MAGI2: variants seen among roughly 807,000 people sequenced by gnomAD.
MAGI2 encodes membrane-associated guanylate kinase, WW and PDZ domain-containing protein 2.
A neutral mutation model predicts 133.3 loss-of-function variants in MAGI2; 35 were observed. The ratio of observed to expected loss-of-function variants is 0.26; its 90% confidence interval spans 0.20 to 0.35. MAGI2 has a LOEUF of 0.35. Among genes scored for constraint, MAGI2 ranks in the 10% least tolerant of loss-of-function variants. MAGI2 has a pLI of 1.00. For missense variants in MAGI2, 1,636 were observed against 1,863.4 expected, an observed-to-expected ratio of 0.88 and a Z score of 2.25; for synonymous variants, 729 against 710.6, an observed-to-expected ratio of 1.03 and a Z score of -0.41.
chr7:79,312,371 C>T (rs1838355217), intron 1 of MAGI2, among the ~76,000 whole-genome samples: 1 of 152,168 alleles, frequency 6.6e-6, no homozygotes, highest in Admixed American at 6.5e-5. Flanking sequence ...TTCCAGAACT[C>T]CCCAATCATG....
intron 1 of MAGI2, among the ~76,000 whole-genome samples, chr7:79,207,056 C>A (rs2129552356): frequency 6.6e-6 from 1 of 151,884 alleles, no homozygotes; most frequent in Admixed American, 6.6e-5. Context: ...ACAGAAGATC[C>A]CTTCTATAGT....
chr7:78,213,581 T>G (rs984558428), intron 10 of MAGI2, among the ~76,000 whole-genome samples: 1 of 152,232 alleles, frequency 6.6e-6, no homozygotes, highest in Admixed American at 6.5e-5. Context: ...GAACTACTAA[T>G]CTAACTGGAT....
intron 21 of MAGI2, among the ~76,000 whole-genome samples, chr7:78,046,452 G>A (rs1016848276): frequency 6.6e-6 from 1 of 151,798 alleles, no homozygotes; most frequent in Non-Finnish European, 1.5e-5. Flanking sequence ...CACACCCAGT[G>A]AAAATCTGGG....
chr7:79,040,677 AG>A (rs1433806003), intron 1 of MAGI2, among the ~76,000 whole-genome samples: 49 of 152,246 alleles, frequency 3.2e-4, no homozygotes, highest in African/African-American at 1.1e-3. Flanking sequence ...TTCTCATGAT[AG>A]TGAGTGAGTT....
intron 1 of MAGI2, among the ~76,000 whole-genome samples, chr7:79,358,163 C>G (rs1842148835): frequency 6.6e-6 from 1 of 151,950 alleles, no homozygotes; most frequent in Non-Finnish European, 1.5e-5. Context: ...GTTATAGTAA[C>G]TTTCCTCTTT....
intron 1 of MAGI2, among the ~76,000 whole-genome samples, chr7:79,170,693 A>T (rs1388204622): frequency 6.6e-6 from 1 of 152,118 alleles, no homozygotes; most frequent in Non-Finnish European, 1.5e-5. Flanking sequence ...GTCTAAGAAG[A>T]ATAATCATGA....
At chr7:78,399,231 CACAT>C (rs1796627813) in intron 6 of MAGI2, among the ~76,000 whole-genome samples, 2 of 152,170 alleles carry the variant, frequency 1.3e-5, no homozygotes, top group Admixed American at 1.3e-4. Context: ...GAACAACACA[CACAT>C]GCATGCGGGT....
At chr7:78,883,821 G>T (rs1291045416) in intron 2 of MAGI2, among the ~76,000 whole-genome samples, 1 of 152,134 alleles carries the variant, frequency 6.6e-6, no homozygotes. Context: ...AATAAAACTG[G>T]ACGTTTACAT....
At chr7:78,627,634 A>G (rs546273913) in intron 2 of MAGI2, among the ~76,000 whole-genome samples, 4 of 152,336 alleles carry the variant, frequency 2.6e-5, no homozygotes, top group Admixed American at 1.3e-4. Flanking sequence ...GCTATGACAT[A>G]AAACACAATG....
intron 20 of MAGI2, among the ~76,000 whole-genome samples, chr7:78,120,855 G>A (rs1180501588): frequency 6.6e-6 from 1 of 150,582 alleles, no homozygotes; most frequent in Non-Finnish European, 1.5e-5. Context: ...CAAAAAATTA[G>A]CCGGGCGTAG....
intron 2 of MAGI2, among the ~76,000 whole-genome samples, chr7:78,698,652 A>G (rs1463896388): frequency 1.3e-5 from 2 of 152,218 alleles, no homozygotes; most frequent in Non-Finnish European, 1.5e-5. Flanking sequence ...TAATTTACAA[A>G]GGAAAGAGGT....
intron 1 of MAGI2, among the ~76,000 whole-genome samples, chr7:79,196,712 C>A (rs1828112536): frequency 1.3e-5 from 2 of 151,756 alleles, no homozygotes; most frequent in African/African-American, 2.4e-5. Flanking sequence ...CTCTTTCATT[C>A]TTTCCCCAAA....
chr7:78,162,701 C>A (rs1231715408), intron 15 of MAGI2, among the ~76,000 whole-genome samples: 1 of 152,118 alleles, frequency 6.6e-6, no homozygotes, highest in South Asian at 2.1e-4. Context: ...TTTCTATTGC[C>A]TTTGGACTTC....
At chr7:79,272,888 C>T (rs1192603844) in intron 1 of MAGI2, among the ~76,000 whole-genome samples, 1 of 151,934 alleles carries the variant, frequency 6.6e-6, no homozygotes, top group Non-Finnish European at 1.5e-5. Flanking sequence ...TAATATATAC[C>T]AGAAGATATC....
chr7:78,088,097 G>T (rs965542481), intron 20 of MAGI2, among the ~76,000 whole-genome samples: 1 of 152,256 alleles, frequency 6.6e-6, no homozygotes, highest in East Asian at 1.9e-4. Context: ...AATCAAAGAG[G>T]AAACTTTCTA....
At chr7:78,424,704 G>A (rs1799126317) in intron 6 of MAGI2, among the ~76,000 whole-genome samples, 1 of 152,120 alleles carries the variant, frequency 6.6e-6, no homozygotes, top group Non-Finnish European at 1.5e-5. Flanking sequence ...TGTGAGACAT[G>A]GAGTCAAAGG....
intron 9 of MAGI2, among the ~76,000 whole-genome samples, chr7:78,290,990 A>G (rs1164601917): frequency 1.3e-5 from 2 of 152,248 alleles, no homozygotes; most frequent in African/African-American, 4.8e-5. Context: ...AGCAGGAAAG[A>G]TCTAAAATTG....
intron 1 of MAGI2, among the ~76,000 whole-genome samples, chr7:79,280,978 GTT>G (rs1408367041): frequency 7.2e-6 from 1 of 138,736 alleles, no homozygotes; most frequent in Non-Finnish European, 1.5e-5. Flanking sequence ...ATGATATAAG[GTT>G]TGCCTGCAGA....
intron 7 of MAGI2, among the ~76,000 whole-genome samples, chr7:78,360,907 A>G (rs2151234529): frequency 6.6e-6 from 1 of 152,324 alleles, no homozygotes; most frequent in African/African-American, 2.4e-5. Context: ...AGCAGAGAAC[A>G]TGGTGTCTCC....
Sources: allele counts gnomAD v4.1 joint callset (sites outside exome capture counted in the v4.1 genomes callset), GRCh38; gene constraint gnomAD v4.1.1; transcripts MANE v1.5; gene names NCBI Gene and HGNC (gene_info 2026-07-23, HGNC 2026-07-21).